Variants in BCL2L13 observed in about 807,000 individuals in gnomAD.
BCL2L13 encodes the protein bcl-2-like protein 13.
BCL2L13 carries 13 observed loss-of-function variants against 25.8 expected under a neutral mutation model. The ratio of observed to expected loss-of-function variants is 0.50; its 90% confidence interval spans 0.33 to 0.80. The LOEUF (loss-of-function observed/expected upper bound fraction) is 0.80, where lower values mean the gene tolerates loss of function less well. BCL2L13 is among the 30% of genes least tolerant of loss of function. BCL2L13 has a pLI of 0.02. For missense variants in BCL2L13, 504 were observed against 574.9 expected (o/e 0.88, Z 1.26); for synonymous variants, 244 against 230.3 (o/e 1.06, Z -0.54).
Position 17,685,760 on chromosome 22 carries a change from C to CTTTTTTTTTTTTTTTTTTT in BCL2L13, c.229+2450_229+2468dup, listed in dbSNP as rs1166792513. Among the ~76,000 whole-genome samples, 30 of 60,564 alleles carry CTTTTTTTTTTTTTTTTTTT rather than the reference C, an allele frequency of 5.0e-4. 9 individuals carry two copies. Among genetic ancestry groups the CTTTTTTTTTTTTTTTTTTT allele is most frequent in the East Asian group, 1.5e-3 (3 of 1,994 alleles). 39.7% of individuals were successfully genotyped at this position (60,564 alleles called of 152,430 possible). ...TATTGCCCAATAATTTTTTCTTTTT[C>CTTTTTTTTTTTTTTTTTTT]TTTTTTTTTTTTTTTTTTTTTTTTT... On this transcript the variant is annotated intron_variant, in intron 3 of 6. Coordinates refer to ENST00000317582, the MANE Select transcript of BCL2L13 (RefSeq NM_015367.4).
At chr22:17,668,322 G>A (rs563109804) in intron 2 of BCL2L13, among the ~76,000 whole-genome samples, 47 of 151,584 alleles carry the variant, frequency 3.1e-4, no homozygotes, top group African/African-American at 1.1e-3. Flanking sequence ...CTGTCTTAAC[G>A]TTTTTTTATT....
At chr22:17,638,338 G>C (rs760564674), upstream of BCL2L13, 20 of 203,542 alleles carry the variant, frequency 9.8e-5, no homozygotes, top group Non-Finnish European at 1.5e-4. Context: ...CAACCTTCAA[G>C]GACCATCTGC....
chr22:17,666,902 G>A (rs1601582496), intron 2 of BCL2L13, among the ~76,000 whole-genome samples: 1 of 151,934 alleles, frequency 6.6e-6, no homozygotes, highest in Non-Finnish European at 1.5e-5. Context: ...GGCCAGGCTG[G>A]TCTTGAACTC....
At position 17,682,007 on chromosome 22, in the gene BCL2L13, T is replaced by C. The variant is rs147200676; in HGVS notation, c.122-1207T>C. ...ACATGTACATACAAAGTGCTTAGTA[T>C]AGTGCCCCCAGCACTTGATATTAGC... On this transcript the variant is annotated intron_variant, in intron 2 of 6. Coordinates refer to ENST00000317582, the MANE Select transcript of BCL2L13 (RefSeq NM_015367.4). Among the ~76,000 whole-genome samples, 463 of 152,320 alleles carry C rather than the reference T, an allele frequency of 3.0e-3. 6 individuals carry two copies. The highest frequency in any genetic ancestry group is 0.01 in the African/African-American group (429 of 41,574).
At chr22:17,640,172 C>T (rs1463549752) in intron 1 of BCL2L13, among the ~76,000 whole-genome samples, 7 of 123,964 alleles carry the variant, frequency 5.6e-5, no homozygotes, top group Middle Eastern at 7.9e-3. Context: ...TTTTCAACCA[C>T]CCCCGCGCCA....
intron 3 of BCL2L13, chr22:17,684,485 C>T: frequency 4.6e-6 from 2 of 430,480 alleles, no homozygotes; most frequent in South Asian, 1.7e-5. Flanking sequence ...CCACACCAGG[C>T]ACCCACTGAT....
intron 1 of BCL2L13, among the ~76,000 whole-genome samples, chr22:17,644,886 T>A (rs1285398936): frequency 1.3e-5 from 2 of 150,202 alleles, no homozygotes; most frequent in Non-Finnish European, 2.9e-5. Context: ...CTCAGCTCAC[T>A]GCAACCTCTG....
At chr22:17,706,507 T>G (rs2060595430) in intron 6 of BCL2L13, among the ~76,000 whole-genome samples, 1 of 152,200 alleles carries the variant, frequency 6.6e-6, no homozygotes, top group South Asian at 2.1e-4. Context: ...AAGAATAGCT[T>G]CTCTGTCTCA....
Position 17,655,761 on chromosome 22 carries a change from A to T in BCL2L13, c.50A>T (p.Tyr17Phe), listed in dbSNP as rs1191993149. The T allele has an allele frequency of 6.2e-7, 1 of 1,613,674 alleles. No homozygotes were observed. The highest frequency in any genetic ancestry group is 1.1e-5 in the South Asian group (1 of 91,012). ...VPLGFHYETK[Y>F]VVLSYLGLLS... ...CTGGGATTTCACTATGAAACAAAGT[A>T]TGTTGTTCTCAGCTACTTGGGACTC... is the stretch of plus-strand genomic sequence containing the variant. Residue 17 changes from tyrosine (Y) to phenylalanine (F), a missense_variant, in exon 2 of 7, where the codon TAT becomes TTT. Transcript: ENST00000317582.
At chr22:17,650,174 C>T (rs573247796) in intron 1 of BCL2L13, among the ~76,000 whole-genome samples, 1 of 152,168 alleles carries the variant, frequency 6.6e-6, no homozygotes, top group East Asian at 1.9e-4. Flanking sequence ...CCGGCTGACT[C>T]TTCTTATTTT....
intron 2 of BCL2L13, among the ~76,000 whole-genome samples, chr22:17,656,155 G>C (rs528257425): frequency 6.7e-6 from 1 of 150,040 alleles, no homozygotes; most frequent in African/African-American, 2.4e-5. Flanking sequence ...CAGGAGAATC[G>C]CTTGAACCCG....
intron 6 of BCL2L13, among the ~76,000 whole-genome samples, chr22:17,705,232 C>A (rs561690174): frequency 6.5e-4 from 98 of 151,754 alleles, no homozygotes; most frequent in Non-Finnish European, 1.0e-3. Flanking sequence ...GAGATCGTGC[C>A]ATTGCACTCC....
chr22:17,655,980 C>T (rs946068503), intron 2 of BCL2L13, 148 bp downstream of exon 2: 8 of 751,112 alleles, frequency 1.1e-5, no homozygotes, highest in Non-Finnish European at 1.6e-5. Flanking sequence ...CGGTGGCTCA[C>T]ACCTGTTATG....
intron 1 of BCL2L13, among the ~76,000 whole-genome samples, chr22:17,631,257 C>T (rs2058008133): frequency 6.6e-6 from 1 of 151,800 alleles, no homozygotes; most frequent in South Asian, 2.1e-4. Context: ...CCACCACGCC[C>T]CGCTAATTTT....
intron 2 of BCL2L13, among the ~76,000 whole-genome samples, chr22:17,678,843 A>G (rs1482779957): frequency 6.6e-6 from 1 of 152,216 alleles, no homozygotes; most frequent in Non-Finnish European, 1.5e-5. Flanking sequence ...GGATAAATGA[A>G]TAGTAGGTAG....
chr22:17,691,891 C>T (rs980947754), intron 4 of BCL2L13, among the ~76,000 whole-genome samples: 10 of 152,050 alleles, frequency 6.6e-5, no homozygotes, highest in Admixed American at 1.3e-4. Context: ...TTGGCTTGGA[C>T]AAATGTTTAT....
chr22:17,713,301 T>A (rs1176102405), intron 6 of BCL2L13, among the ~76,000 whole-genome samples: 1 of 152,056 alleles, frequency 6.6e-6, no homozygotes, highest in African/African-American at 2.4e-5. Context: ...AAACACACCC[T>A]AAACATAAAA....
chr22:17,638,836 A>G lies in BCL2L13; in HGVS notation c.-101A>G, dbSNP rs1317214720. The G allele has an allele frequency of 1.2e-5, 15 of 1,232,044 alleles. No individual in the cohort carries two copies. The African/African-American group carries it at 2.0e-4, about 17-fold the overall frequency. 76.3% of individuals were successfully genotyped at this position (1,232,044 alleles called of 1,614,324 possible). ...GCCGCTGGGGGACCCTGTCGGAAGC[A>G]ACTGCCGCCGCCGCCTCTTTCATCT... On this transcript the variant is annotated 5_prime_UTR_variant, in exon 1 of 7. Coordinates refer to ENST00000317582, the MANE Select transcript of BCL2L13 (RefSeq NM_015367.4).
chr22:17,651,782 C>T (rs948879532), intron 1 of BCL2L13, among the ~76,000 whole-genome samples: 9 of 152,080 alleles, frequency 5.9e-5, no homozygotes, highest in Non-Finnish European at 8.8e-5. Flanking sequence ...GCTCCGCCTC[C>T]CGGGTTCAAG....
Sources: allele counts gnomAD v4.1 joint callset (sites outside exome capture counted in the v4.1 genomes callset), GRCh38; gene constraint gnomAD v4.1.1; transcripts MANE v1.5; gene names NCBI Gene and HGNC (gene_info 2026-07-23, HGNC 2026-07-21).